Variants in CYRIB observed in about 807,000 individuals in gnomAD.
CYRIB encodes CYFIP-related Rac1 interactor B.
Under a neutral mutation model 44.2 loss-of-function variants are expected in CYRIB, and 8 were observed. That is an observed-to-expected ratio of 0.18 (90% CI 0.11 to 0.33). The LOEUF (loss-of-function observed/expected upper bound fraction) is 0.33. Ranked by LOEUF, CYRIB falls within the 10% of genes least tolerant of loss-of-function variation. CYRIB has a pLI of 1.00. For synonymous variants in CYRIB, 131 were observed against 127.2 expected, an observed-to-expected ratio of 1.03 and a Z score of -0.20; for missense variants, 185 against 382.8, an observed-to-expected ratio of 0.48 and a Z score of 4.31.
chr8:129,852,083 T>C (rs1243626488), intron 8 of CYRIB, 79 bp downstream of exon 10: 4 of 809,124 alleles, frequency 4.9e-6, no homozygotes, highest in Admixed American at 2.9e-5. Flanking sequence ...TGGTATTTAA[T>C]GTCTTGGGCT....
intron 2 of CYRIB, among the ~76,000 whole-genome samples, chr8:129,945,320 G>C (rs2094058547): frequency 6.6e-6 from 1 of 152,332 alleles, no homozygotes; most frequent in East Asian, 1.9e-4. Flanking sequence ...CAACACAGCA[G>C]AGCTGAAACC....
chr8:129,913,024 T>C (rs1335427541), intron 1 of CYRIB, among the ~76,000 whole-genome samples: 1 of 145,516 alleles, frequency 6.9e-6, no homozygotes, highest in African/African-American at 2.5e-5. Context: ...CAGGCTGGAG[T>C]GCAGTGGCAT....
intron 1 of CYRIB, among the ~76,000 whole-genome samples, chr8:130,004,148 C>A (rs1430034042): frequency 2.0e-5 from 3 of 152,224 alleles, no homozygotes; most frequent in African/African-American, 7.2e-5. Context: ...GCATGAGAGA[C>A]CCTCGGATAA....
At chr8:129,873,522 T>C (rs777764616) in intron 3 of CYRIB, among the ~76,000 whole-genome samples, 2 of 152,020 alleles carry the variant, frequency 1.3e-5, no homozygotes, top group Non-Finnish European at 2.9e-5. Context: ...ACGACAGTCT[T>C]ACACTTTTTC....
intron 4 of CYRIB, 31 bp from the exon 7 acceptor site, chr8:129,862,365 AGT>A: frequency 6.7e-7 from 1 of 1,488,888 alleles, no homozygotes. Context: ...AAATAGTTAG[AGT>A]TAAAAAAAAA....
intron 4 of CYRIB, among the ~76,000 whole-genome samples, chr8:129,869,460 T>A (rs2056001994): frequency 6.6e-6 from 1 of 151,042 alleles, no homozygotes; most frequent in Admixed American, 6.6e-5. Flanking sequence ...TTTCTCTTCA[T>A]AACAACAAGC....
intron 1 of CYRIB, among the ~76,000 whole-genome samples, chr8:129,907,871 G>GCATC (rs2076234695): frequency 6.6e-6 from 1 of 152,132 alleles, no homozygotes; most frequent in Non-Finnish European, 1.5e-5. Flanking sequence ...GCATGGTGGT[G>GCATC]CATGCCTGTA....
At chr8:129,977,199 T>C (rs1477096593) in intron 1 of CYRIB, among the ~76,000 whole-genome samples, 2 of 152,182 alleles carry the variant, frequency 1.3e-5, no homozygotes, top group Non-Finnish European at 2.9e-5. Flanking sequence ...TGGCACAAAC[T>C]TCCCCAGTCA....
At chr8:129,871,264 A>G (rs925849668) in intron 4 of CYRIB, 111 bp downstream of exon 6, 20 of 1,259,790 alleles carry the variant, frequency 1.6e-5, no homozygotes, top group Admixed American at 2.9e-5. Flanking sequence ...GCATCCTTCA[A>G]ATATAATACT....
At chr8:129,929,874 T>C (rs1453085498) in intron 1 of CYRIB, among the ~76,000 whole-genome samples, 1 of 152,160 alleles carries the variant, frequency 6.6e-6, no homozygotes, top group Admixed American at 6.5e-5. Context: ...CCCTACTTTA[T>C]GACTTAGGAC....
intron 1 of CYRIB, among the ~76,000 whole-genome samples, chr8:129,999,154 A>G (rs2096851136): frequency 6.6e-6 from 1 of 152,158 alleles, no homozygotes; most frequent in African/African-American, 2.4e-5. Context: ...CAGGAGGGGC[A>G]GAGGAGCAGG....
chr8:129,965,427 A>G (rs1427977004), intron 2 of CYRIB, among the ~76,000 whole-genome samples: 3 of 152,182 alleles, frequency 2.0e-5, no homozygotes, highest in African/African-American at 7.2e-5. Context: ...AAACTTAAGA[A>G]TATATCCTGA....
At chr8:129,977,692 C>T (rs939635042) in intron 1 of CYRIB, among the ~76,000 whole-genome samples, 125 of 152,168 alleles carry the variant, frequency 8.2e-4, no homozygotes, top group African/African-American at 2.7e-3. Flanking sequence ...CCACCACGCC[C>T]GGCTAATTTT....
intron 4 of CYRIB, among the ~76,000 whole-genome samples, chr8:129,870,580 T>C (rs1335500940): frequency 6.6e-6 from 1 of 152,158 alleles, no homozygotes; most frequent in Non-Finnish European, 1.5e-5. Context: ...ATGGAATGTA[T>C]GCCCCATATG....
intron 2 of CYRIB, chr8:129,896,803 CT>C (rs2068297658): frequency 1.3e-5 from 2 of 152,196 alleles, no homozygotes; most frequent in Non-Finnish European, 1.5e-5. Context: ...ATCATTCTTT[CT>C]TCTCCTCGGA....
chr8:129,848,570 T>C (rs1048462452), intron 10 of CYRIB, among the ~76,000 whole-genome samples: 34 of 152,154 alleles, frequency 2.2e-4, no homozygotes, highest in African/African-American at 7.5e-4. Flanking sequence ...AGCATCCTAC[T>C]GGCTGTCTTT....
intron 1 of CYRIB, among the ~76,000 whole-genome samples, chr8:129,999,128 TG>T (rs561358759): frequency 2.1e-5 from 3 of 146,150 alleles, no homozygotes; most frequent in Non-Finnish European, 3.0e-5. Flanking sequence ...GAGAATAACG[TG>T]GGGGGGGTGG....
chr8:129,907,389 T>A (rs541622397), intron 1 of CYRIB, among the ~76,000 whole-genome samples: 1 of 151,506 alleles, frequency 6.6e-6, no homozygotes, highest in Non-Finnish European at 1.5e-5. Flanking sequence ...AGGTGGGAAC[T>A]GAACAATGAC....
chr8:129,919,761 C>G (rs987290865), intron 1 of CYRIB, among the ~76,000 whole-genome samples: 2 of 152,048 alleles, frequency 1.3e-5, no homozygotes, highest in Admixed American at 1.3e-4. Context: ...AAAGGAAAAT[C>G]TTCTCCTATA....
Sources: allele counts gnomAD v4.1 joint callset (sites outside exome capture counted in the v4.1 genomes callset), GRCh38; gene constraint gnomAD v4.1.1; transcripts MANE v1.5; gene names NCBI Gene and HGNC (gene_info 2026-07-23, HGNC 2026-07-21).